LDLRAD4: variants seen among roughly 807,000 people sequenced by gnomAD.
The protein encoded by LDLRAD4 is low-density lipoprotein receptor class A domain-containing protein 4.
Under a neutral mutation model 17.0 loss-of-function variants are expected in LDLRAD4, and 5 were observed. The ratio of observed to expected loss-of-function variants is 0.29; its 90% CI spans 0.15 to 0.62. The LOEUF (loss-of-function observed/expected upper bound fraction) is 0.62. LDLRAD4 is among the 20% of genes least tolerant of loss of function. The pLI, the probability that LDLRAD4 is intolerant of heterozygous loss-of-function variation, is 0.84. For missense variants in LDLRAD4, 340 were observed against 424.7 expected, an observed-to-expected ratio of 0.80 and a Z score of 1.75; for synonymous variants, 168 against 171.8, an observed-to-expected ratio of 0.98 and a Z score of 0.17.
rs148623422 is a variant in LDLRAD4, at chr18:13,621,505, G to T, written c.336+234G>T. ...CCAGAAGCCTGCGTGACCCCTCCCA[G>T]GTCTCCCCTGGATCTTTGCTGCCCG... On this transcript the variant is annotated intron_variant, in intron 4 of 5. Transcript: ENST00000359446. This position sits in a 1 kb window ranked among gnomAD's most constrained non-coding sequence, Gnocchi z 5.5. Among the ~76,000 whole-genome samples, 1 of 152,200 alleles carries T rather than the reference G, an allele frequency of 6.6e-6. No individual in the cohort carries two copies. The highest frequency in any genetic ancestry group is 6.5e-5 in the Admixed American group (1 of 15,290).
intron 1 of LDLRAD4, among the ~76,000 whole-genome samples, chr18:13,384,153 TG>T (rs992514129): frequency 2.0e-5 from 3 of 152,152 alleles, no homozygotes; most frequent in Non-Finnish European, 2.9e-5. Flanking sequence ...TAAGGATTGG[TG>T]GGGGTGATTA....
chr18:13,340,412 A>C (rs2082312703), intron 1 of LDLRAD4, among the ~76,000 whole-genome samples: 1 of 152,118 alleles, frequency 6.6e-6, no homozygotes, highest in Admixed American at 6.6e-5. Context: ...CAGTTTTTCC[A>C]CATTCTTGCT....
chr18:13,289,031 C>A (rs999251291), intron 1 of LDLRAD4, among the ~76,000 whole-genome samples: 4 of 152,206 alleles, frequency 2.6e-5, no homozygotes, highest in Admixed American at 2.6e-4. Context: ...ATTTTGACAT[C>A]TGGGGACTTT....
chr18:13,537,835 A>AATT (rs549331570), intron 3 of LDLRAD4, among the ~76,000 whole-genome samples: 47 of 152,156 alleles, frequency 3.1e-4, no homozygotes, highest in Admixed American at 2.8e-3. Flanking sequence ...GGAGATATTT[A>AATT]ATTATTATTT....
At chr18:13,449,628 G>A (rs1056856732) in intron 3 of LDLRAD4, among the ~76,000 whole-genome samples, 6 of 152,262 alleles carry the variant, frequency 3.9e-5, no homozygotes, top group African/African-American at 1.4e-4. Flanking sequence ...CAGGCTGTCT[G>A]CTGTGGATGG....
chr18:13,218,886 G>C (rs1025375834), exon 1 of LDLRAD4: 5 of 152,430 alleles, frequency 3.3e-5, no homozygotes, highest in African/African-American at 1.2e-4. Flanking sequence ...AGCCCGGCCC[G>C]GCACTTGCCT....
chr18:13,387,928 G>T (rs1243357893), intron 2 of LDLRAD4, among the ~76,000 whole-genome samples, 166 bp downstream of exon 3: 2 of 152,150 alleles, frequency 1.3e-5, no homozygotes, highest in Non-Finnish European at 2.9e-5. Flanking sequence ...ATAATAATGT[G>T]TTTTCCTTCG....
chr18:13,367,560 G>A lies in LDLRAD4; in HGVS notation c.-382-19781G>A, dbSNP rs1162997071. Among the ~76,000 whole-genome samples the A allele has an allele frequency of 6.6e-6, 1 of 152,224 alleles. No homozygotes were observed. Among genetic ancestry groups the A allele is most frequent in the African/African-American group, 2.4e-5 (1 of 41,456 alleles). ...GCCCGGGTGCTGCAGCAAGGCGGCT[G>A]TGGCAGTGCCAAGCGAGTGGACAGA... On this transcript the variant is annotated intron_variant, in intron 1 of 5. Transcript: ENST00000359446. This position sits in a 1 kb window ranked among gnomAD's most constrained non-coding sequence, Gnocchi z 4.1.
chr18:13,343,478 A>G (rs868862167), intron 1 of LDLRAD4, among the ~76,000 whole-genome samples: 5 of 152,006 alleles, frequency 3.3e-5, no homozygotes, highest in African/African-American at 1.2e-4. Flanking sequence ...AATCCAGTCT[A>G]TTGTTGTTGG....
At chr18:13,508,400 A>G (rs1940918) in intron 3 of LDLRAD4, among the ~76,000 whole-genome samples, 57,212 of 151,810 alleles carry the variant, frequency 0.38, 11,768 homozygotes, top group African/African-American at 0.56. Flanking sequence ...AGGTGGAATA[A>G]CCCTCTATTG....
At chr18:13,246,923 T>C (rs952408539) in intron 1 of LDLRAD4, among the ~76,000 whole-genome samples, 1 of 150,950 alleles carries the variant, frequency 6.6e-6, no homozygotes, top group Non-Finnish European at 1.5e-5. Context: ...ATCTGCAATG[T>C]TTTTTTATCT....
At chr18:13,288,762 C>G (rs2045792281) in intron 1 of LDLRAD4, among the ~76,000 whole-genome samples, 1 of 142,510 alleles carries the variant, frequency 7.0e-6, no homozygotes, top group African/African-American at 2.6e-5. Context: ...AGTCACGGGC[C>G]ACGGTAGCAG....
At chr18:13,408,393 G>A (rs66681025) in intron 2 of LDLRAD4, among the ~76,000 whole-genome samples, 1,616 of 46,986 alleles carry the variant, frequency 0.034, 195 homozygotes, top group Middle Eastern at 0.056. Context: ...AAAAAAAAAA[G>A]GTGAGAGAGA....
At chr18:13,265,428 C>T (rs939621617) in intron 1 of LDLRAD4, among the ~76,000 whole-genome samples, 3 of 152,232 alleles carry the variant, frequency 2.0e-5, no homozygotes, top group African/African-American at 7.2e-5. Flanking sequence ...CCCCTTCCCA[C>T]TGTGCTGCCT....
At chr18:13,588,925 CT>C (rs1443900099) in intron 3 of LDLRAD4, among the ~76,000 whole-genome samples, 1 of 146,230 alleles carries the variant, frequency 6.8e-6, no homozygotes, top group Non-Finnish European at 1.5e-5. Flanking sequence ...TTTTTTTTTT[CT>C]TTTTTTCTTT....
At chr18:13,497,505 T>C (rs567078137) in intron 3 of LDLRAD4, among the ~76,000 whole-genome samples, 2 of 152,140 alleles carry the variant, frequency 1.3e-5, no homozygotes, top group East Asian at 3.9e-4. Context: ...AGTGTTTTTT[T>C]TTTTTCCTTC....
At chr18:13,534,040 T>C (rs984852310) in intron 3 of LDLRAD4, among the ~76,000 whole-genome samples, 4 of 152,206 alleles carry the variant, frequency 2.6e-5, no homozygotes, top group African/African-American at 9.7e-5. Context: ...CCACGCTGCC[T>C]GCCTTCTGAT....
rs1490333464 is a variant in LDLRAD4, at chr18:13,367,885, G to A, written c.-382-19456G>A. Among the ~76,000 whole-genome samples, 1 of 152,084 alleles carries A rather than the reference G, an allele frequency of 6.6e-6. No individual in the cohort carries two copies. On this transcript the variant is annotated intron_variant, in intron 1 of 5. Coordinates refer to ENST00000359446, the Ensembl canonical transcript of LDLRAD4. The surrounding 1 kb of genome is among the most constrained non-coding windows in gnomAD (Gnocchi z 4.1). ...GTATCGAGAGGGGACGACTGGGCAT[G>A]GGGGCGTGTGCCTGTGGTCACAGCT...
chr18:13,490,096 C>T (rs530688747), intron 3 of LDLRAD4: 13 of 152,156 alleles, frequency 8.5e-5, no homozygotes, highest in African/African-American at 2.9e-4. Context: ...CTAGGAGGCT[C>T]CTGTTTTGGG....
Sources: allele counts gnomAD v4.1 joint callset (sites outside exome capture counted in the v4.1 genomes callset), GRCh38; gene constraint gnomAD v4.1.1; non-coding constraint Gnocchi (gnomAD v3.1); transcripts MANE v1.5; gene names NCBI Gene and HGNC (gene_info 2026-07-23, HGNC 2026-07-21).